Variants in PTPN12 observed in about 807,000 individuals in gnomAD.
The protein encoded by PTPN12 is protein tyrosine phosphatase non-receptor type 12.
A neutral mutation model predicts 97.6 loss-of-function variants in PTPN12; 29 were observed. The ratio of observed to expected loss-of-function variants is 0.30; its 90% CI spans 0.22 to 0.41. The LOEUF (loss-of-function observed/expected upper bound fraction) is 0.41, where lower values mean the gene tolerates loss of function less well. PTPN12 is among the 10% of genes least tolerant of loss of function. The pLI is 1.00. For synonymous variants in PTPN12, 327 were observed against 300.4 expected (o/e 1.09, Z -0.91); for missense variants, 819 against 926.0 (o/e 0.88, Z 1.50).
In PTPN12 at chr7:77,626,886, G is replaced by A. The variant is rs1381995129; in HGVS notation, c.1207G>A (p.Ala403Thr). The change falls in exon 13 of 18, where the codon GCA becomes ACA. Residue 403 changes from alanine to threonine, a missense_variant. Around this residue, in one of 5 missense-constraint regions of PTPN12, gnomAD observed 607 missense variants for 577.3 expected, o/e 1.05. Transcript: ENST00000248594. The part of the protein sequence containing the change: ...LHMVSSEQHS[A>T]DLNRNYSKST... ...TATGGTTTCATCAGAACAACATTCA[G>A]CAGACCTCAACAGAAACTATAGTAA... 1 of 1,612,680 alleles carries A rather than the reference G, an allele frequency of 6.2e-7. No homozygotes were observed. Among genetic ancestry groups the A allele is most frequent in the South Asian group, 1.1e-5 (1 of 91,004 alleles).
At chr7:77,562,279 TC>T (rs771107003) in intron 1 of PTPN12, among the ~76,000 whole-genome samples, 26 of 152,154 alleles carry the variant, frequency 1.7e-4, no homozygotes, top group Non-Finnish European at 3.1e-4. Context: ...GGTCTCAAAC[TC>T]CCAACCTCAG....
chr7:77,592,276 A>C lies in PTPN12; in HGVS notation c.492+20A>C. 6.3e-7 allele frequency: 1 copy of C among 1,591,122 alleles called. No homozygotes were observed. The highest frequency in any genetic ancestry group is 8.6e-7 in the Non-Finnish European group (1 of 1,166,078). On this transcript the variant is annotated intron_variant, in intron 6 of 17. Transcript: ENST00000248594. The stretch of plus-strand genomic sequence containing the variant: ...TCTTGTGTAAGTATCCATTTTTGTA[A>C]ACACTTTTTTCAGAAAATTGGCATG...
At chr7:77,612,070 A>G (rs1308183651) in intron 11 of PTPN12, among the ~76,000 whole-genome samples, 1 of 151,828 alleles carries the variant, frequency 6.6e-6, no homozygotes, top group Admixed American at 6.6e-5. Flanking sequence ...ATGAGAAAAT[A>G]AGTTGCAAAA....
chr7:77,605,463 A>G (rs1356313635), intron 8 of PTPN12, among the ~76,000 whole-genome samples: 1 of 119,924 alleles, frequency 8.3e-6, no homozygotes, highest in Non-Finnish European at 1.6e-5. Context: ...TCTGTCGCCC[A>G]AGCTGGAGTG....
chr7:77,635,737 C>T (rs62473723), intron 14 of PTPN12, 45 bp from the exon 15 acceptor site: 1 of 1,282,130 alleles, frequency 7.8e-7, no homozygotes, highest in South Asian at 1.5e-5. Flanking sequence ...AAAGAAATTT[C>T]AGAAATTCAA....
At chr7:77,570,393 T>C (rs898617133) in intron 1 of PTPN12, among the ~76,000 whole-genome samples, 1 of 152,218 alleles carries the variant, frequency 6.6e-6, no homozygotes, top group African/African-American at 2.4e-5. Context: ...GAAATTAAAT[T>C]TCAGCAATGT....
At chr7:77,552,540 G>C (rs1213115341) in intron 1 of PTPN12, among the ~76,000 whole-genome samples, 1 of 152,136 alleles carries the variant, frequency 6.6e-6, no homozygotes, top group Non-Finnish European at 1.5e-5. Context: ...GGTTGGATTA[G>C]ATCTATAAAT....
At chr7:77,581,040 TTTG>T in intron 2 of PTPN12, among the ~76,000 whole-genome samples, 1 of 92,816 alleles carries the variant, frequency 1.1e-5, no homozygotes, top group South Asian at 5.1e-4. Flanking sequence ...GTGGTGTTTT[TTTG>T]TTTTGTTTTG....
Position 77,537,564 on chromosome 7 carries a change from C to T in PTPN12, c.18C>T (p.Ile6=). ...GCGGGAGGATGGAGCAAGTGGAGAT[C>T]CTGAGGAAATTCATCCAGAGGGTCC... MEQVE[I]LRKFIQRVQA... Residue 6 remains isoleucine (I), a synonymous_variant, in exon 1 of 18, where the codon ATC becomes ATT. Transcript: ENST00000248594. 6.3e-7 allele frequency: 1 copy of T among 1,599,488 alleles called. No homozygotes were observed. The highest frequency in any genetic ancestry group is 1.4e-5 in the African/African-American group (1 of 73,092).
chr7:77,607,956 T>C (rs755678416), intron 9 of PTPN12, among the ~76,000 whole-genome samples: 4 of 152,192 alleles, frequency 2.6e-5, no homozygotes, highest in Non-Finnish European at 5.9e-5. Flanking sequence ...GGTTTCACCA[T>C]GTTGGCCAGG....
intron 1 of PTPN12, among the ~76,000 whole-genome samples, chr7:77,562,072 G>A (rs1290113573): frequency 1.3e-5 from 2 of 151,678 alleles, no homozygotes; most frequent in Non-Finnish European, 2.9e-5. Context: ...TTTATTTTTT[G>A]AGACAGAGTC....
intron 2 of PTPN12, among the ~76,000 whole-genome samples, chr7:77,577,576 A>G (rs747965477): frequency 1.2e-4 from 18 of 152,140 alleles, no homozygotes; most frequent in Admixed American, 1.1e-3. Flanking sequence ...TACTATGGAT[A>G]TATGAACAAC....
chr7:77,625,472 G>GCTCTCTCTCCCTCC, intron 12 of PTPN12, among the ~76,000 whole-genome samples: 1 of 33,530 alleles, frequency 3.0e-5, no homozygotes, highest in South Asian at 1.4e-3. Context: ...CAGGCTGCTC[G>GCTCTCTCTCCCTCC]CTCTCTCTCT....
chr7:77,625,472 G>GCTCTCGCTCTCT (rs1554326599), intron 12 of PTPN12, among the ~76,000 whole-genome samples: 3 of 33,522 alleles, frequency 8.9e-5, no homozygotes, highest in Non-Finnish European at 1.5e-4. Flanking sequence ...CAGGCTGCTC[G>GCTCTCGCTCTCT]CTCTCTCTCT....
chr7:77,571,262 C>T (rs1253184525), intron 2 of PTPN12, 76 bp downstream of exon 2: 2 of 840,842 alleles, frequency 2.4e-6, no homozygotes, highest in Non-Finnish European at 3.7e-6. Flanking sequence ...TTTTATTCTT[C>T]CTGAGTTTCA....
intron 11 of PTPN12, among the ~76,000 whole-genome samples, chr7:77,616,923 C>A (rs1788771835): frequency 6.6e-6 from 1 of 152,088 alleles, no homozygotes; most frequent in Non-Finnish European, 1.5e-5. Flanking sequence ...ACTGGAATTA[C>A]AGACGTGCAC....
intron 1 of PTPN12, among the ~76,000 whole-genome samples, chr7:77,559,292 C>T (rs1051903008): frequency 2.0e-5 from 3 of 152,146 alleles, no homozygotes; most frequent in South Asian, 2.1e-4. Context: ...CCTCTTGTGC[C>T]TTTTTCTTTG....
chr7:77,628,952 G>C (rs985193577), intron 13 of PTPN12, among the ~76,000 whole-genome samples: 15 of 152,088 alleles, frequency 9.9e-5, no homozygotes. Context: ...TGGTAGACTA[G>C]ATGACAGTCT....
At chr7:77,607,646 A>G (rs1405112021) in intron 9 of PTPN12, among the ~76,000 whole-genome samples, 1 of 152,224 alleles carries the variant, frequency 6.6e-6, no homozygotes, top group African/African-American at 2.4e-5. Flanking sequence ...TGCCTTTGAT[A>G]GGATGCATTG....
Sources: gnomAD v4.1 joint callset for allele counts (sites outside exome capture counted in the v4.1 genomes callset) on GRCh38, gnomAD v4.1.1 for gene constraint, gnomAD v4.1.1 regional missense constraint, MANE v1.5 for transcripts, NCBI Gene and HGNC (gene_info 2026-07-23, HGNC 2026-07-21) for gene names.